SGCD: variants seen among roughly 807,000 people sequenced by gnomAD.
SGCD encodes the protein delta-sarcoglycan.
Under a neutral mutation model 36.6 loss-of-function variants are expected in SGCD, and 18 were observed. The observed-to-expected ratio is 0.49, with a 90% CI of 0.34 to 0.73. SGCD has a LOEUF of 0.73. Ranked by LOEUF, SGCD falls within the 30% of genes least tolerant of loss-of-function variation. The pLI, the probability that SGCD is intolerant of heterozygous loss-of-function variation, is 0.01. For missense variants in SGCD, 387 were observed against 346.7 expected (o/e 1.12, Z -0.92); for synonymous variants, 133 against 130.6 (o/e 1.02, Z -0.12).
chr5:156,298,576 C>CTTTTTTTTTTTTTTTTTTTTTTTTTTT (rs924228753), intron 3 of SGCD, among the ~76,000 whole-genome samples: 1 of 110,520 alleles, frequency 9.0e-6, no homozygotes, highest in East Asian at 2.7e-4. Flanking sequence ...TTTTTCTTTT[C>CTTTTTTTTTTTTTTTTTTTTTTTTTTT]TTTTTTTTTT....
At chr5:156,242,072 A>G (rs1765319437) in intron 3 of SGCD, among the ~76,000 whole-genome samples, 1 of 152,218 alleles carries the variant, frequency 6.6e-6, no homozygotes, top group Admixed American at 6.5e-5. Flanking sequence ...TGTTTATAAC[A>G]GTTTTGTTCA....
chr5:155,829,266 A>G, the SGCD span, among the ~76,000 whole-genome samples: 2 of 152,104 alleles, frequency 1.3e-5, no homozygotes, highest in African/African-American at 4.8e-5. Context: ...TTTGGCATTC[A>G]TGTCTTCATG....
intron 3 of SGCD, among the ~76,000 whole-genome samples, chr5:156,463,410 T>G (rs537538579): frequency 6.6e-6 from 1 of 152,252 alleles, no homozygotes; most frequent in Non-Finnish European, 1.5e-5. Context: ...AGACGTATAG[T>G]CTTGGCTTTC....
intron 3 of SGCD, among the ~76,000 whole-genome samples, chr5:156,133,907 G>A (rs369131823): frequency 7.8e-5 from 10 of 128,964 alleles, no homozygotes; most frequent in African/African-American, 2.2e-4. Context: ...CTTATTTGCC[G>A]GGTTAAAACA....
chr5:156,634,793 G>A (rs1762764089), intron 6 of SGCD, among the ~76,000 whole-genome samples: 1 of 152,088 alleles, frequency 6.6e-6, no homozygotes, highest in Non-Finnish European at 1.5e-5. Flanking sequence ...AAACATCAAG[G>A]ATATGCAAAG....
At chr5:155,769,903 C>T in the SGCD span, among the ~76,000 whole-genome samples, 1,460 of 152,158 alleles carry the variant, frequency 9.6e-3, 21 homozygotes, top group African/African-American at 0.033. Context: ...TCCTTTCCTA[C>T]GCCCTACACA....
At chr5:156,248,497 G>A (rs1212932859) in intron 3 of SGCD, among the ~76,000 whole-genome samples, 1 of 152,112 alleles carries the variant, frequency 6.6e-6, no homozygotes, top group Non-Finnish European at 1.5e-5. Context: ...CCAGCCTGGA[G>A]ACAGAGTGAG....
At chr5:156,005,623 T>A (rs761979075) in intron 1 of SGCD, among the ~76,000 whole-genome samples, 1 of 152,182 alleles carries the variant, frequency 6.6e-6, no homozygotes, top group Non-Finnish European at 1.5e-5. Context: ...GCTAATTTTT[T>A]GTATTTTTAG....
chr5:156,084,223 T>A (rs1051601268), intron 1 of SGCD, among the ~76,000 whole-genome samples: 1 of 152,236 alleles, frequency 6.6e-6, no homozygotes, highest in Admixed American at 6.5e-5. Context: ...GTCCATTCTA[T>A]GGATGCGGTA....
chr5:156,693,399 C>T (rs1261202905), intron 7 of SGCD, among the ~76,000 whole-genome samples: 1 of 152,148 alleles, frequency 6.6e-6, no homozygotes, highest in Non-Finnish European at 1.5e-5. Flanking sequence ...AGACCAGTGC[C>T]TCCTTCATCC....
chr5:156,289,275 A>G (rs1344872491), intron 3 of SGCD, among the ~76,000 whole-genome samples: 3 of 151,090 alleles, frequency 2.0e-5, no homozygotes, highest in Admixed American at 1.3e-4. Flanking sequence ...AAATTGAGCA[A>G]GCAACCCCTT....
chr5:156,098,060 A>T (rs1452647305), intron 1 of SGCD, among the ~76,000 whole-genome samples: 6 of 151,910 alleles, frequency 3.9e-5, no homozygotes, highest in Non-Finnish European at 8.8e-5. Flanking sequence ...GTTGGGAGGG[A>T]ATTGTGGTAT....
chr5:156,053,550 C>T lies in SGCD; in HGVS notation c.-281-64328C>T, dbSNP rs565041011. On this transcript the variant is annotated intron_variant, in intron 1 of 9. Coordinates refer to the SGCD transcript ENST00000517913. ...ATTAAGAATGTAAAGACTGCAACCA[C>T]AGAACATTAAACTCCAAGTGCAGGA... 1.2e-4 allele frequency among the ~76,000 whole-genome samples: 17 copies of T among 146,308 alleles called. 3 individuals carry two copies. The highest frequency in any genetic ancestry group is 2.6e-4 in the Non-Finnish European group (17 of 64,772).
At chr5:155,941,507 T>G (rs1042484805) in intron 1 of SGCD, among the ~76,000 whole-genome samples, 4 of 151,082 alleles carry the variant, frequency 2.6e-5, no homozygotes, top group African/African-American at 9.7e-5. Context: ...ATATTGATAT[T>G]AAATAATTAT....
At chr5:156,475,021 A>C (rs1450633206) in intron 3 of SGCD, among the ~76,000 whole-genome samples, 1 of 152,210 alleles carries the variant, frequency 6.6e-6, no homozygotes, top group Non-Finnish European at 1.5e-5. Flanking sequence ...GGCATATAAT[A>C]AGCATTAAGT....
intron 1 of SGCD, among the ~76,000 whole-genome samples, chr5:155,971,584 G>C (rs1481886695): frequency 2.6e-5 from 4 of 152,032 alleles, no homozygotes; most frequent in African/African-American, 9.7e-5. Flanking sequence ...TGTATGATTT[G>C]TTGCAAATCC....
the SGCD span, among the ~76,000 whole-genome samples, chr5:155,731,769 T>TACTGG: frequency 6.6e-6 from 1 of 152,192 alleles, no homozygotes; most frequent in Non-Finnish European, 1.5e-5. Context: ...AAATACAGAC[T>TACTGG]ACTGGACCCA....
chr5:156,399,850 G>T (rs1052768003), intron 3 of SGCD, among the ~76,000 whole-genome samples: 5 of 152,080 alleles, frequency 3.3e-5, no homozygotes, highest in African/African-American at 9.7e-5. Flanking sequence ...TATTTCTGGG[G>T]CCTGGAACAT....
intron 7 of SGCD, among the ~76,000 whole-genome samples, chr5:156,726,466 G>A (rs1755778242): frequency 6.6e-6 from 1 of 152,092 alleles, no homozygotes; most frequent in Non-Finnish European, 1.5e-5. Context: ...GAAGCCAGAT[G>A]GTCTCTCTAA....
Sources: gnomAD v4.1 joint callset for allele counts (sites outside exome capture counted in the v4.1 genomes callset) on GRCh38, gnomAD v4.1.1 for gene constraint, MANE v1.5 for transcripts, NCBI Gene and HGNC (gene_info 2026-07-23, HGNC 2026-07-21) for gene names.